The following NEGR1 variants were observed in gnomAD, a reference collection of about 807,000 sequenced individuals.
NEGR1 encodes neuronal growth regulator 1, also known as IgLON family member 4.
Under a neutral mutation model 40.9 loss-of-function variants are expected in NEGR1, and 10 were observed. That is an observed-to-expected ratio of 0.24 (90% CI 0.15 to 0.42). The LOEUF (loss-of-function observed/expected upper bound fraction) is 0.42, where lower values mean the gene tolerates loss of function less well. NEGR1 is among the 10% of genes least tolerant of loss of function. The pLI is 1.00. For synonymous variants in NEGR1, 185 were observed against 166.8 expected (o/e 1.11, Z -0.84); for missense variants, 352 against 438.9 (o/e 0.80, Z 1.77).
chr1:71,471,691 G>T (rs1351598638), intron 6 of NEGR1, among the ~76,000 whole-genome samples: 1 of 151,878 alleles, frequency 6.6e-6, no homozygotes, highest in Non-Finnish European at 1.5e-5. Flanking sequence ...TTAATCAAAT[G>T]TTAGGTGCTC....
chr1:71,813,349 T>C (rs1658074252), intron 2 of NEGR1, among the ~76,000 whole-genome samples: 1 of 152,148 alleles, frequency 6.6e-6, no homozygotes, highest in Non-Finnish European at 1.5e-5. Flanking sequence ...ATAGGATAAT[T>C]TGAAGTCAAA....
chr1:72,061,775 A>G (rs1428131927), intron 1 of NEGR1, among the ~76,000 whole-genome samples: 1 of 151,852 alleles, frequency 6.6e-6, no homozygotes, highest in African/African-American at 2.4e-5. Context: ...TTGCCTCATC[A>G]TGATTCTTTA....
At chr1:71,636,807 C>T (rs1468413132) in intron 4 of NEGR1, among the ~76,000 whole-genome samples, 2 of 151,936 alleles carry the variant, frequency 1.3e-5, no homozygotes, top group Admixed American at 1.3e-4. Context: ...TTCCACTTAG[C>T]AACAAGCTAG....
chr1:71,487,181 C>T (rs1646893204), intron 6 of NEGR1: 1 of 151,602 alleles, frequency 6.6e-6, no homozygotes, highest in South Asian at 2.1e-4. Flanking sequence ...TAGTAATCAA[C>T]ATGACAGCCC....
intron 6 of NEGR1, among the ~76,000 whole-genome samples, chr1:71,519,751 A>T (rs940773628): frequency 1.3e-5 from 2 of 150,418 alleles, no homozygotes; most frequent in African/African-American, 2.5e-5. Flanking sequence ...AAAATTAAAA[A>T]AAAACAAAAA....
chr1:71,813,531 C>A (rs2101765653), intron 2 of NEGR1, among the ~76,000 whole-genome samples: 1 of 152,110 alleles, frequency 6.6e-6, no homozygotes, highest in East Asian at 1.9e-4. Context: ...GAAACTATGG[C>A]CATTTTCATG....
At chr1:72,276,450 A>C (rs1307688692) in intron 1 of NEGR1, among the ~76,000 whole-genome samples, 1 of 152,192 alleles carries the variant, frequency 6.6e-6, no homozygotes, top group Non-Finnish European at 1.5e-5. Flanking sequence ...TCAGTCAAAA[A>C]TATAACACTG....
intron 1 of NEGR1, among the ~76,000 whole-genome samples, chr1:71,948,461 A>T (rs1264878302): frequency 6.7e-6 from 1 of 148,998 alleles, no homozygotes; most frequent in Non-Finnish European, 1.5e-5. Context: ...TCTTCAAGGG[A>T]TATGTGTGCT....
intron 1 of NEGR1, among the ~76,000 whole-genome samples, chr1:72,236,448 G>A (rs200823123): frequency 1.9e-4 from 29 of 150,460 alleles, no homozygotes; most frequent in East Asian, 1.2e-3. Context: ...AGAAGAAGAA[G>A]AAAAAAATGC....
At chr1:71,750,533 G>A (rs1437588939) in intron 3 of NEGR1, among the ~76,000 whole-genome samples, 1 of 152,112 alleles carries the variant, frequency 6.6e-6, no homozygotes, top group Non-Finnish European at 1.5e-5. Context: ...AGGGAAGGAG[G>A]AGCAAGTCAC....
chr1:71,545,803 G>A (rs1048660582), intron 6 of NEGR1, among the ~76,000 whole-genome samples: 4 of 151,622 alleles, frequency 2.6e-5, no homozygotes, highest in South Asian at 2.1e-4. Flanking sequence ...GAACTCTAGC[G>A]TTGGTGAGGA....
At chr1:72,063,663 G>T (rs1231940732) in intron 1 of NEGR1, among the ~76,000 whole-genome samples, 1 of 151,844 alleles carries the variant, frequency 6.6e-6, no homozygotes, top group Non-Finnish European at 1.5e-5. Flanking sequence ...TCTATGATTT[G>T]TGACCAGGTG....
intron 4 of NEGR1, among the ~76,000 whole-genome samples, chr1:71,662,333 A>C (rs907699409): frequency 1.3e-5 from 2 of 152,226 alleles, no homozygotes; most frequent in Admixed American, 1.3e-4. Context: ...TGTTATTATC[A>C]TTCTCAGATT....
chr1:72,011,169 G>T (rs942823567), intron 1 of NEGR1, among the ~76,000 whole-genome samples: 4 of 151,940 alleles, frequency 2.6e-5, no homozygotes, highest in Admixed American at 2.0e-4. Flanking sequence ...GCACTGTGGG[G>T]GCTGATGAAC....
intron 2 of NEGR1, among the ~76,000 whole-genome samples, chr1:71,906,337 A>G (rs552974703): frequency 6.6e-6 from 1 of 152,120 alleles, no homozygotes; most frequent in East Asian, 1.9e-4. Context: ...TCACCAACTC[A>G]AGAGCTTATC....
intron 1 of NEGR1, among the ~76,000 whole-genome samples, chr1:72,169,678 A>T (rs1382186853): frequency 6.6e-6 from 1 of 152,166 alleles, no homozygotes; most frequent in Non-Finnish European, 1.5e-5. Flanking sequence ...TGTGATACAG[A>T]ATTTATGCCA....
intron 1 of NEGR1, among the ~76,000 whole-genome samples, chr1:71,957,174 A>T (rs1190065348): frequency 6.6e-6 from 1 of 152,166 alleles, no homozygotes. Context: ...TGCCAAAGTG[A>T]AAGTCATGAC....
intron 4 of NEGR1, among the ~76,000 whole-genome samples, chr1:71,665,022 A>G (rs1652192602): frequency 6.6e-6 from 1 of 152,172 alleles, no homozygotes; most frequent in African/African-American, 2.4e-5. Context: ...ATAACTGTCA[A>G]AAGGTTAGGT....
At chr1:72,087,837 C>T (rs1648287448) in intron 1 of NEGR1, among the ~76,000 whole-genome samples, 1 of 149,650 alleles carries the variant, frequency 6.7e-6, no homozygotes. Context: ...CTAAAGAGAT[C>T]CTCTTGCCTT....
Sources: gnomAD v4.1 joint callset for allele counts (sites outside exome capture counted in the v4.1 genomes callset) on GRCh38, gnomAD v4.1.1 for gene constraint, MANE v1.5 for transcripts, NCBI Gene and HGNC (gene_info 2026-07-23, HGNC 2026-07-21) for gene names.